The following SUMO4 variants were observed in gnomAD, a reference collection of about 807,000 sequenced individuals.
SUMO4 encodes the protein small ubiquitin-related modifier 4.
A neutral mutation model predicts 7.7 loss-of-function variants in SUMO4; 6 were observed. That is an observed-to-expected ratio of 0.78 (90% CI 0.43 to 1.53). The LOEUF (loss-of-function observed/expected upper bound fraction) is 1.53, where lower values mean the gene tolerates loss of function less well. SUMO4 is among the 40% of genes most tolerant of loss of function. The pLI is 0.01. For missense variants in SUMO4, 113 were observed against 113.6 expected (o/e 0.99, Z 0.03); for synonymous variants, 43 against 41.2 (o/e 1.04, Z -0.17).
rs898539833 is a variant in SUMO4, at chr6:149,400,854, A to G, written c.*175A>G. The G allele has an allele frequency of 2.6e-5, 18 of 701,698 alleles. No homozygotes were observed. Among genetic ancestry groups the G allele is most frequent in the South Asian group, 6.2e-5 (3 of 48,388 alleles). The allele number at this position is 701,698 out of a possible 1,614,324, so 43.5% of individuals were successfully genotyped here. A position where few individuals can be genotyped will look rare whatever the true frequency, so the allele number is the denominator to read the frequency against. On this transcript the variant is annotated 3_prime_UTR_variant, in exon 1 of 1. Coordinates refer to ENST00000326669, the MANE Select transcript of SUMO4 (RefSeq NM_001002255.2). Reference sequence around the variant, plus strand: ...TTTTATTATACATGAAGTAACTGGTATGTGTACACAAGCATATTGCTTTTT... The same window carrying G: ...TTTTATTATACATGAAGTAACTGGTGTGTGTACACAAGCATATTGCTTTTT...
rs1163352574 is a variant in SUMO4, at chr6:149,400,484, G to A, written c.93G>A (p.Gln31=). The A allele has an allele frequency of 3.1e-6, 5 of 1,614,264 alleles. No homozygotes were observed. Among genetic ancestry groups the A allele is most frequent in the Non-Finnish European group, 4.2e-6 (5 of 1,180,050 alleles). ...CGGGACAGGATGGTTCTGTGGTGCA[G>A]TTTAAGATTAAGAGGCAGACACCAC... is the stretch of plus-strand genomic sequence containing the variant. The part of the protein sequence containing the change: ...KVAGQDGSVV[Q]FKIKRQTPLS... Residue 31 remains glutamine (Q), a synonymous_variant, in exon 1 of 1, where the codon CAG becomes CAA. Coordinates refer to ENST00000326669, the MANE Select transcript of SUMO4 (RefSeq NM_001002255.2).
Position 149,400,476 on chromosome 6 carries a change from G to T in SUMO4, c.85G>T (p.Val29Leu), listed in dbSNP as rs776724248. 3.7e-6 allele frequency: 6 copies of T among 1,614,250 alleles called. No homozygotes were observed. The South Asian group carries it at 6.6e-5, about 18-fold the overall frequency. ...GAAGGTGGCGGGACAGGATGGTTCT[G>T]TGGTGCAGTTTAAGATTAAGAGGCA... is the stretch of plus-strand genomic sequence containing the variant. Reference protein sequence around the residue: ...NLKVAGQDGSVVQFKIKRQTP... With the variant: ...NLKVAGQDGSLVQFKIKRQTP... Residue 29 changes from valine to leucine, a missense_variant, in exon 1 of 1, where the codon GTG becomes TTG. Val to Leu is a conservative substitution (Grantham distance 32, BLOSUM62 1). Transcript: ENST00000326669.
rs377412354 is a variant in SUMO4 at position 149,400,513 on chromosome 6, G to A, written c.122G>A (p.Ser41Asn). ...AAGATTAAGAGGCAGACACCACTTA[G>A]TAAACTAATGAAAGCCTATTGTGAA... is the stretch of plus-strand genomic sequence containing the variant. ...QFKIKRQTPL[S>N]KLMKAYCEPR... is the part of the protein sequence containing the mutation. The change falls in exon 1 of 1, where the codon AGT becomes AAT. Residue 41 changes from serine (S) to asparagine (N), a missense_variant. Coordinates refer to ENST00000326669, the MANE Select transcript of SUMO4 (RefSeq NM_001002255.2). 9 of 1,614,244 alleles carry A rather than the reference G, an allele frequency of 5.6e-6. No homozygotes were observed. Among genetic ancestry groups the A allele is most frequent in the Non-Finnish European group, 6.8e-6 (8 of 1,180,046 alleles).
chr6:149,400,733 C>T lies in SUMO4; in HGVS notation c.*54C>T. On this transcript the variant is annotated 3_prime_UTR_variant, in exon 1 of 1. Coordinates refer to ENST00000326669, the MANE Select transcript of SUMO4 (RefSeq NM_001002255.2). ...CGCTGTTCTTTAAAGACCAAGATTA[C>T]TGCATTCTCAATTAGAAAACTGCAA... The T allele has an allele frequency of 1.3e-6, 2 of 1,566,794 alleles. No individual in the cohort carries two copies. Among genetic ancestry groups the T allele is most frequent in the Non-Finnish European group, 1.7e-6 (2 of 1,156,636 alleles).
Position 149,400,893 on chromosome 6 carries a change from C to T in SUMO4, c.*214C>T. ...ATATTGCTTTTTTCTTCAAACCAAA[C>T]AGCCAATGGTATGTTTTGATTGACA... On this transcript the variant is annotated 3_prime_UTR_variant, in exon 1 of 1. Coordinates refer to ENST00000326669, the MANE Select transcript of SUMO4 (RefSeq NM_001002255.2). The T allele has an allele frequency of 3.5e-6, 2 of 570,492 alleles. No individual in the cohort carries two copies. The highest frequency in any genetic ancestry group is 6.2e-6 in the Non-Finnish European group (2 of 324,690). The allele number at this position is 570,492 out of a possible 1,614,324, so 35.3% of individuals were successfully genotyped here. A position where few individuals can be genotyped will look rare whatever the true frequency, so the allele number is the denominator to read the frequency against.
At position 149,400,888 on chromosome 6, in the gene SUMO4, C is replaced by T; in HGVS notation, c.*209C>T. On this transcript the variant is annotated 3_prime_UTR_variant, in exon 1 of 1. Coordinates refer to ENST00000326669, the MANE Select transcript of SUMO4 (RefSeq NM_001002255.2). ...CAAGCATATTGCTTTTTTCTTCAAACCAAACAGCCAATGGTATGTTTTGAT... is the reference window on the plus strand; with the variant it reads ...CAAGCATATTGCTTTTTTCTTCAAATCAAACAGCCAATGGTATGTTTTGAT... 1.7e-6 allele frequency: 1 copy of T among 574,172 alleles called. No homozygotes were observed. The allele number at this position is 574,172 out of a possible 1,614,324, so 35.6% of individuals were successfully genotyped here.
rs527357500 is a variant in SUMO4, at chr6:149,400,532, T to C, written c.141T>C (p.Tyr47=). Residue 47 remains tyrosine (Y), a synonymous_variant, in exon 1 of 1, where the codon TAT becomes TAC. Transcript: ENST00000326669. ...CACTTAGTAAACTAATGAAAGCCTA[T>C]TGTGAACCACGGGGATTGTCAGTGA... The part of the protein sequence containing the change: ...QTPLSKLMKA[Y]CEPRGLSVKQ... 12 of 1,614,152 alleles carry C rather than the reference T, an allele frequency of 7.4e-6. No individual in the cohort carries two copies. Among genetic ancestry groups the C allele is most frequent in the African/African-American group, 1.3e-5 (1 of 74,954 alleles).
rs781040928 is a variant in SUMO4, at chr6:149,400,662, A to G, written c.271A>G (p.Thr91Ala). 3 of 1,614,104 alleles carry G rather than the reference A, an allele frequency of 1.9e-6. No individual in the cohort carries two copies. The highest frequency in any genetic ancestry group is 2.5e-6 in the Non-Finnish European group (3 of 1,179,958). Reference sequence around the variant, plus strand: ...TACAATTGATGTGTTTCAACAGCCTACGGGAGGTGTCTACTGAAAAGGGAA... The same window carrying G: ...TACAATTGATGTGTTTCAACAGCCTGCGGGAGGTGTCTACTGAAAAGGGAA... ...EDTIDVFQQP[T>A]GGVY The change falls in exon 1 of 1, where the codon ACG (threonine) becomes GCG (alanine). Residue 91 changes from threonine to alanine, a missense_variant. Physicochemically the swap from Thr to Ala is moderately conservative, Grantham distance 58. Transcript: ENST00000326669.
chr6:149,401,016 G>T lies in SUMO4; in HGVS notation c.*337G>T. The T allele has an allele frequency of 4.4e-6, 1 of 228,990 alleles. No individual in the cohort carries two copies. The highest frequency in any genetic ancestry group is 5.4e-5 in the Admixed American group (1 of 18,468). 14.2% of individuals were successfully genotyped at this position (228,990 alleles called of 1,614,324 possible). ...ATTCAGGTCTTATCTTTATATTCTA[G>T]TAAGTTATTTTGCTCTCACTGTTTT... On this transcript the variant is annotated 3_prime_UTR_variant, in exon 1 of 1. Coordinates refer to ENST00000326669, the MANE Select transcript of SUMO4 (RefSeq NM_001002255.2).
In SUMO4 at chr6:149,400,891, A is replaced by G. The variant is rs1782381623; in HGVS notation, c.*212A>G. ...GCATATTGCTTTTTTCTTCAAACCA[A>G]ACAGCCAATGGTATGTTTTGATTGA... On this transcript the variant is annotated 3_prime_UTR_variant, in exon 1 of 1. Transcript: ENST00000326669. 2 of 572,820 alleles carry G rather than the reference A, an allele frequency of 3.5e-6. No individual in the cohort carries two copies. Among genetic ancestry groups the G allele is most frequent in the South Asian group, 2.8e-5 (1 of 35,630 alleles). 35.5% of individuals were successfully genotyped at this position (572,820 alleles called of 1,614,324 possible).
Position 149,400,550 on chromosome 6 carries a change from G to C in SUMO4, c.159G>C (p.Leu53Phe). The change falls in exon 1 of 1, where the codon TTG (leucine) becomes TTC (phenylalanine). Residue 53 changes from leucine to phenylalanine, a missense_variant. Leu to Phe is a conservative substitution (Grantham distance 22, BLOSUM62 0). Coordinates refer to ENST00000326669, the MANE Select transcript of SUMO4 (RefSeq NM_001002255.2). ...LMKAYCEPRG[L>F]SVKQIRFRFG... ...AAGCCTATTGTGAACCACGGGGATTGTCAGTGAAGCAGATCAGATTCCGAT... is the reference window on the plus strand; with the variant it reads ...AAGCCTATTGTGAACCACGGGGATTCTCAGTGAAGCAGATCAGATTCCGAT... 1 of 1,614,236 alleles carries C rather than the reference G, an allele frequency of 6.2e-7. No individual in the cohort carries two copies.
Position 149,400,725 on chromosome 6 carries a change from C to T in SUMO4, c.*46C>T, listed in dbSNP as rs368075976. 3 of 1,583,826 alleles carry T rather than the reference C, an allele frequency of 1.9e-6. No individual in the cohort carries two copies. Among genetic ancestry groups the T allele is most frequent in the African/African-American group, 1.4e-5 (1 of 73,986 alleles). ...CTCCAGAACGCTGTTCTTTAAAGAC[C>T]AAGATTACTGCATTCTCAATTAGAA... On this transcript the variant is annotated 3_prime_UTR_variant, in exon 1 of 1. Coordinates refer to ENST00000326669, the MANE Select transcript of SUMO4 (RefSeq NM_001002255.2).
chr6:149,400,675 A>G lies in SUMO4; in HGVS notation c.284A>G (p.Tyr95Cys), dbSNP rs768974962. ...DVFQQPTGGV[Y>C] is the part of the protein sequence containing the mutation. ...TTTCAACAGCCTACGGGAGGTGTCT[A>G]CTGAAAAGGGAACCTGCTTCTTTAC... Residue 95 changes from tyrosine (Y) to cysteine (C), a missense_variant, in exon 1 of 1, where the codon TAC becomes TGC. Transcript: ENST00000326669. 7 of 1,613,520 alleles carry G rather than the reference A, an allele frequency of 4.3e-6. No individual in the cohort carries two copies. The highest frequency in any genetic ancestry group is 1.7e-5 in the Admixed American group (1 of 59,958).
Position 149,400,313 on chromosome 6 carries a change from C to T in SUMO4, c.-79C>T. ...CCGCTGTCACCTCCTGCTGCTCTTCCTGCTGCTCGTGTACTCGTTAGGTGC... is the reference window on the plus strand; with the variant it reads ...CCGCTGTCACCTCCTGCTGCTCTTCTTGCTGCTCGTGTACTCGTTAGGTGC... On this transcript the variant is annotated 5_prime_UTR_variant, in exon 1 of 1. Coordinates refer to ENST00000326669, the MANE Select transcript of SUMO4 (RefSeq NM_001002255.2). The T allele has an allele frequency of 2.0e-6, 3 of 1,496,392 alleles. No individual in the cohort carries two copies. Among genetic ancestry groups the T allele is most frequent in the Non-Finnish European group, 2.7e-6 (3 of 1,104,678 alleles). The allele number at this position is 1,496,392 out of a possible 1,614,324, so 92.7% of individuals were successfully genotyped here.
Position 149,400,837 on chromosome 6 carries a change from T to C in SUMO4, c.*158T>C. The C allele has an allele frequency of 1.3e-6, 1 of 778,972 alleles. No homozygotes were observed. The highest frequency in any genetic ancestry group is 1.9e-5 in the South Asian group (1 of 52,140). 48.3% of individuals were successfully genotyped at this position (778,972 alleles called of 1,614,324 possible). The stretch of plus-strand genomic sequence containing the variant: ...TTCCCCCTTCCACATTCTTTTATTA[T>C]ACATGAAGTAACTGGTATGTGTACA... On this transcript the variant is annotated 3_prime_UTR_variant, in exon 1 of 1. Transcript: ENST00000326669.
chr6:149,401,197 T>TA lies in SUMO4; in HGVS notation c.*528dup, dbSNP rs936976757. On this transcript the variant is annotated 3_prime_UTR_variant, in exon 1 of 1. Coordinates refer to ENST00000326669, the MANE Select transcript of SUMO4 (RefSeq NM_001002255.2). The stretch of plus-strand genomic sequence containing the variant: ...GTCTTTAAGTAGGGATAAATTACTC[T>TA]AAAAAAAAAAGAAAGAATCCTAGAA... 57 of 160,176 alleles carry TA rather than the reference T, an allele frequency of 3.6e-4. No individual in the cohort carries two copies. Among genetic ancestry groups the TA allele is most frequent in the African/African-American group, 4.7e-4 (19 of 40,172 alleles). 9.9% of individuals were successfully genotyped at this position (160,176 alleles called of 1,614,324 possible).
In SUMO4 at chr6:149,400,638, A is replaced by G; in HGVS notation, c.247A>G (p.Thr83Ala). 1.9e-6 allele frequency: 3 copies of G among 1,614,248 alleles called. No individual in the cohort carries two copies. Among genetic ancestry groups the G allele is most frequent in the South Asian group, 1.1e-5 (1 of 91,088 alleles). Residue 83 changes from threonine to alanine, a missense_variant, in exon 1 of 1, where the codon ACA becomes GCA. Physicochemically the swap from Thr to Ala is moderately conservative, Grantham distance 58. Coordinates refer to ENST00000326669, the MANE Select transcript of SUMO4 (RefSeq NM_001002255.2). ...PAQLEMEDED[T>A]IDVFQQPTGG... ...ACAGTTGGAAATGGAAGATGAAGAT[A>G]CAATTGATGTGTTTCAACAGCCTAC...
Position 149,400,296 on chromosome 6 carries a change from A to T in SUMO4, c.-96A>T. The T allele has an allele frequency of 7.2e-7, 1 of 1,389,060 alleles. No homozygotes were observed. The highest frequency in any genetic ancestry group is 9.8e-7 in the Non-Finnish European group (1 of 1,018,000). The allele number at this position is 1,389,060 out of a possible 1,614,324, so 86.0% of individuals were successfully genotyped here. A position where few individuals can be genotyped will look rare whatever the true frequency, so the allele number is the denominator to read the frequency against. ...ACCCTCTCCCTCATCCACCGCTGTC[A>T]CCTCCTGCTGCTCTTCCTGCTGCTC... is the stretch of plus-strand genomic sequence containing the variant. On this transcript the variant is annotated 5_prime_UTR_variant, in exon 1 of 1. Coordinates refer to ENST00000326669, the MANE Select transcript of SUMO4 (RefSeq NM_001002255.2).
Position 149,400,611 on chromosome 6 carries a change from G to T in SUMO4, c.220G>T (p.Ala74Ser), listed in dbSNP as rs758906762. Reference protein sequence around the residue: ...GQPISGTDKPAQLEMEDEDTI... With the variant: ...GQPISGTDKPSQLEMEDEDTI... ...ACCAATCAGTGGAACAGACAAACCT[G>T]CACAGTTGGAAATGGAAGATGAAGA... The change falls in exon 1 of 1, where the codon GCA (alanine) becomes TCA (serine). Residue 74 changes from alanine (A) to serine (S), a missense_variant. By Grantham distance (99) the Ala-to-Ser change is moderately conservative (BLOSUM62 1). Transcript: ENST00000326669. 3 of 1,614,214 alleles carry T rather than the reference G, an allele frequency of 1.9e-6. No homozygotes were observed.
Sources: allele counts gnomAD v4.1 joint callset, GRCh38; gene constraint gnomAD v4.1.1; transcripts MANE v1.5; gene names NCBI Gene and HGNC (gene_info 2026-07-23, HGNC 2026-07-21).